BIN1: variants seen among roughly 807,000 people sequenced by gnomAD.
The protein encoded by BIN1 is bridging integrator 1.
A neutral mutation model predicts 82.0 loss-of-function variants in BIN1; 53 were observed. That is an observed-to-expected ratio of 0.65 (90% CI 0.52 to 0.81). The LOEUF is 0.81. BIN1 is among the 40% of genes least tolerant of loss of function. The probability of loss-of-function intolerance (pLI) is 0.00; values close to 1 mark genes in which losing one functional copy is unlikely to be tolerated. For missense variants in BIN1, 642 were observed against 784.4 expected (o/e 0.82, Z 2.17); for synonymous variants, 302 against 328.0 (o/e 0.92, Z 0.86).
Position 127,061,788 on chromosome 2 carries a change from AC to A in BIN1, c.857+326del, listed in dbSNP as rs200732270. Among the ~76,000 whole-genome samples, 1,170 of 151,650 alleles carry A rather than the reference AC, an allele frequency of 7.7e-3. 13 individuals carry two copies. Among genetic ancestry groups the A allele is most frequent in the African/African-American group, 0.027 (1,109 of 41,318 alleles). ...CCCGGAGTCTTTCAGTCCTGTTCAC[AC>A]CCCCCAGTCCCCAAAGCTGAGCAGG... On this transcript the variant is annotated intron_variant, in intron 10 of 18. Coordinates refer to ENST00000316724, the MANE Select transcript of BIN1 (RefSeq NM_139343.3).
At chr2:127,092,526 C>A (rs891902686) in intron 1 of BIN1, among the ~76,000 whole-genome samples, 1 of 152,306 alleles carries the variant, frequency 6.6e-6, no homozygotes, top group South Asian at 2.1e-4. Flanking sequence ...TGACTAAAGG[C>A]CCCAAACACC....
At position 127,059,891 on chromosome 2, in the gene BIN1, G is replaced by A. The variant is rs1684218001; in HGVS notation, c.858-736C>T. 6.6e-6 allele frequency among the ~76,000 whole-genome samples: 1 copy of A among 152,222 alleles called. No homozygotes were observed. Among genetic ancestry groups the A allele is most frequent in the Non-Finnish European group, 1.5e-5 (1 of 68,036 alleles). ...AAAATTCTCTACCAGAACCTGCACA[G>A]AGACGCCTAGAAAAGTGCTGCCCAG... On this transcript the variant is annotated intron_variant, in intron 10 of 18. Coordinates refer to ENST00000316724, the MANE Select transcript of BIN1 (RefSeq NM_139343.3). The surrounding 1 kb of genome is among the most constrained non-coding windows in gnomAD (Gnocchi z 6.7).
intron 18 of BIN1, 120 bp downstream of exon 18, chr2:127,050,301 A>T: frequency 9.9e-7 from 1 of 1,011,042 alleles, no homozygotes; most frequent in Non-Finnish European, 1.5e-6. Flanking sequence ...TTGGCGCGGG[A>T]GCCCTGGTGC....
At chr2:127,095,205 C>T (rs1246243858) in intron 1 of BIN1, among the ~76,000 whole-genome samples, 4 of 152,228 alleles carry the variant, frequency 2.6e-5, no homozygotes, top group African/African-American at 9.6e-5. Context: ...CAGCTCATTC[C>T]TCGTCCTGGA....
intron 1 of BIN1, among the ~76,000 whole-genome samples, chr2:127,106,284 C>T (rs1391875049): frequency 6.6e-6 from 1 of 152,264 alleles, no homozygotes; most frequent in South Asian, 2.1e-4. Context: ...CCGCAGGCAC[C>T]TCTCGGGAAA....
intron 1 of BIN1, among the ~76,000 whole-genome samples, chr2:127,089,526 G>T (rs1023587336): frequency 7.9e-5 from 12 of 152,184 alleles, no homozygotes; most frequent in Non-Finnish European, 5.9e-5. Flanking sequence ...GGGGGTCACA[G>T]TGAGTTTGCA....
At chr2:127,099,762 T>C (rs2105331094) in intron 1 of BIN1, among the ~76,000 whole-genome samples, 2 of 151,606 alleles carry the variant, frequency 1.3e-5, no homozygotes, top group Admixed American at 1.3e-4. Context: ...TCCGCCCGCC[T>C]CGGCCTCCCA....
At chr2:127,065,364 T>G (rs1327825878) in intron 7 of BIN1, among the ~76,000 whole-genome samples, 1 of 152,122 alleles carries the variant, frequency 6.6e-6, no homozygotes, top group East Asian at 1.9e-4. Context: ...CCAGGGACCC[T>G]GGGCACCCCA....
chr2:127,062,053 G>A (rs1558816928), intron 10 of BIN1, 62 bp downstream of exon 10: 6 of 1,539,612 alleles, frequency 3.9e-6, no homozygotes, highest in Non-Finnish European at 5.2e-6. Context: ...CAGGGTCACA[G>A]GAAGGAGCCC....
chr2:127,076,835 G>GTGATGT, intron 1 of BIN1, 129 bp from the exon 2 acceptor site: 1 of 1,055,104 alleles, frequency 9.5e-7, no homozygotes, highest in Non-Finnish European at 1.4e-6. Context: ...CCAGCCCAGG[G>GTGATGT]TGCCCACCCA....
chr2:127,057,662 G>A lies in BIN1; in HGVS notation c.1003-61C>T, dbSNP rs3754615. 49,191 of 1,453,804 alleles carry A rather than the reference G, an allele frequency of 0.034. 1,998 individuals are homozygous for A. Among genetic ancestry groups the A allele is most frequent in the Admixed American group, 0.15 (6,062 of 40,802 alleles). 90.1% of individuals were successfully genotyped at this position (1,453,804 alleles called of 1,614,324 possible). On this transcript the variant is annotated intron_variant, in intron 11 of 18. Transcript: ENST00000316724. The surrounding 1 kb of genome is among the most constrained non-coding windows in gnomAD (Gnocchi z 5.0). ...AGGCACAGCAGAGCACGGGGTTTGG[G>A]GGAGACAGACAGAGACAAAGCCACG...
At chr2:127,084,472 G>T (rs1211570582) in intron 1 of BIN1, among the ~76,000 whole-genome samples, 1 of 152,242 alleles carries the variant, frequency 6.6e-6, no homozygotes, top group African/African-American at 2.4e-5. Flanking sequence ...GGCACTAGCA[G>T]ATTCTCCAGG....
intron 18 of BIN1, among the ~76,000 whole-genome samples, chr2:127,050,204 G>C (rs1350857879): frequency 6.6e-6 from 1 of 152,214 alleles, no homozygotes; most frequent in East Asian, 1.9e-4. Flanking sequence ...GACAGGGAGA[G>C]AGAGAGGCCT....
chr2:127,049,057 C>A (rs1254560737), intron 18 of BIN1, among the ~76,000 whole-genome samples: 1 of 152,262 alleles, frequency 6.6e-6, no homozygotes, highest in African/African-American at 2.4e-5. Context: ...ATCCTGACAC[C>A]CGCAGGGCCT....
intron 1 of BIN1, among the ~76,000 whole-genome samples, chr2:127,086,195 G>A (rs1223496524): frequency 1.3e-5 from 2 of 152,148 alleles, no homozygotes; most frequent in Admixed American, 6.5e-5. Flanking sequence ...CTCAGCTAAT[G>A]AGCTCTAGAG....
chr2:127,103,778 G>A (rs1680659228), intron 1 of BIN1, among the ~76,000 whole-genome samples: 1 of 152,180 alleles, frequency 6.6e-6, no homozygotes, highest in African/African-American at 2.4e-5. Flanking sequence ...ACCCTACACT[G>A]GCTTTGCCTA....
Position 127,053,451 on chromosome 2 carries a change from C to T in BIN1, c.1240-6G>A, listed in dbSNP as rs548956444. On this transcript the variant is annotated splice_polypyrimidine_tract_variant and splice_region_variant and intron_variant, in intron 13 of 18. Transcript: ENST00000316724. ...CAGAGGTCCCATGGAATTGACTGAG[C>T]GCAGCAGTGAGGGCGAGAAGGACAG... The T allele has an allele frequency of 1.7e-5, 27 of 1,613,814 alleles. No homozygotes were observed. Among genetic ancestry groups the T allele is most frequent in the East Asian group, 6.7e-5 (3 of 44,864 alleles).
chr2:127,088,553 T>C (rs1047559517), intron 1 of BIN1, among the ~76,000 whole-genome samples: 3 of 151,824 alleles, frequency 2.0e-5, no homozygotes, highest in African/African-American at 4.8e-5. Context: ...CTGGGCAACA[T>C]AGTGAGATCC....
At chr2:127,085,972 C>T (rs1158424276) in intron 1 of BIN1, among the ~76,000 whole-genome samples, 1 of 152,214 alleles carries the variant, frequency 6.6e-6, no homozygotes, top group Non-Finnish European at 1.5e-5. Flanking sequence ...CTATGGAGCC[C>T]AGTTGAGGCC....
Sources: allele counts gnomAD v4.1 joint callset (sites outside exome capture counted in the v4.1 genomes callset), GRCh38; gene constraint gnomAD v4.1.1; non-coding constraint Gnocchi (gnomAD v3.1); transcripts MANE v1.5; gene names NCBI Gene and HGNC (gene_info 2026-07-23, HGNC 2026-07-21).